FBH1: variants seen among roughly 807,000 people sequenced by gnomAD.
FBH1 encodes F-box DNA helicase 1.
In FBH1, 43 loss-of-function variants were observed where a neutral mutation model predicts 115.5. The ratio of observed to expected loss-of-function variants is 0.37; its 90% CI spans 0.29 to 0.48. The LOEUF is 0.48. Among genes scored for constraint, FBH1 ranks in the 20% least tolerant of loss-of-function variants. FBH1 has a pLI of 0.99. For synonymous variants in FBH1, 524 were observed against 507.8 expected (o/e 1.03, Z -0.43); for missense variants, 1,001 against 1,337.3 (o/e 0.75, Z 3.92).
At chr10:5,905,479 C>T (rs1843636184) in intron 2 of FBH1, among the ~76,000 whole-genome samples, 1 of 152,192 alleles carries the variant, frequency 6.6e-6, no homozygotes, top group Non-Finnish European at 1.5e-5. Context: ...GATCACACCA[C>T]TGCACTCCAG....
At position 5,897,945 on chromosome 10, in the gene FBH1, T is replaced by TG. The variant is rs1843109643; in HGVS notation, c.2-5072dup. ...TTACCTTTTCCAAAGCAGTTCCCTT[T>TG]GGGACTGAACATTTTTGATGTTCTG... On this transcript the variant is annotated intron_variant, in intron 1 of 20. Coordinates refer to ENST00000362091, the MANE Select transcript of FBH1 (RefSeq NM_178150.3). The surrounding 1 kb of genome is among the most constrained non-coding windows in gnomAD (Gnocchi z 4.7). 6.6e-6 allele frequency among the ~76,000 whole-genome samples: 1 copy of TG among 152,374 alleles called. No individual in the cohort carries two copies. Among genetic ancestry groups the TG allele is most frequent in the East Asian group, 1.9e-4 (1 of 5,194 alleles).
In FBH1 at chr10:5,891,056, G is replaced by T. The variant is rs917937863; in HGVS notation, c.1+710G>T. On this transcript the variant is annotated intron_variant, in intron 1 of 20. Transcript: ENST00000362091. The stretch of plus-strand genomic sequence containing the variant: ...AGACAACCCTATGAGGCATCAGTAG[G>T]GTTTTACAGGTGGGGAAGTGGAGGC... 3.0e-5 allele frequency: 19 copies of T among 630,124 alleles called. No individual in the cohort carries two copies. The African/African-American group carries it at 3.6e-4, about 12-fold the overall frequency. The allele number at this position is 630,124 out of a possible 1,614,324, so 39.0% of individuals were successfully genotyped here.
In FBH1 at chr10:5,931,995, A is replaced by T. The variant is rs376041096; in HGVS notation, c.2829+4454A>T. On this transcript the variant is annotated intron_variant, in intron 19 of 20. Coordinates refer to ENST00000362091, the MANE Select transcript of FBH1 (RefSeq NM_178150.3). The surrounding 1 kb of genome is among the most constrained non-coding windows in gnomAD (Gnocchi z 4.3). ...CCTGTCTCTACCAAAAAATACAGAAAAATTAGCTAGTCATGGTGGTGCATA... is the reference window on the plus strand; with the variant it reads ...CCTGTCTCTACCAAAAAATACAGAATAATTAGCTAGTCATGGTGGTGCATA... Among the ~76,000 whole-genome samples, 2 of 152,188 alleles carry T rather than the reference A, an allele frequency of 1.3e-5. No individual in the cohort carries two copies. The highest frequency in any genetic ancestry group is 2.4e-5 in the African/African-American group (1 of 41,442).
In FBH1 at chr10:5,936,676, AAG is replaced by A. The variant is rs1344741933; in HGVS notation, c.2961+96_2961+97del. ...TTATCTGGGTTGTAGGTGAGGAGAT[AAG>A]AGAGAGCTGTGTGATCCTTTATTAG... On this transcript the variant is annotated intron_variant, in intron 20 of 20. Coordinates refer to ENST00000362091, the MANE Select transcript of FBH1 (RefSeq NM_178150.3). The surrounding 1 kb of genome is among the most constrained non-coding windows in gnomAD (Gnocchi z 5.6). The A allele has an allele frequency of 6.6e-6, 10 of 1,517,918 alleles. No individual in the cohort carries two copies. The African/African-American group carries it at 6.8e-5, about 10-fold the overall frequency. The allele number at this position is 1,517,918 out of a possible 1,614,324, so 94.0% of individuals were successfully genotyped here.
chr10:5,893,923 G>A (rs1394250827), intron 1 of FBH1: 1 of 885,764 alleles, frequency 1.1e-6, no homozygotes, highest in African/African-American at 1.8e-5. Context: ...TTATATTCTA[G>A]ACCATAAGTA....
rs1843296792 is a variant in FBH1, at chr10:5,900,707, T to G, written c.2-2313T>G. On this transcript the variant is annotated intron_variant, in intron 1 of 20. Transcript: ENST00000362091. This position sits in a 1 kb window ranked among gnomAD's most constrained non-coding sequence, Gnocchi z 4.2. Reference sequence around the variant, plus strand: ...AAAAGTTAACTGAAATTTGGAAGGGTGATTTCTGAATTAGCTAGGGAGGAA... The same window carrying G: ...AAAAGTTAACTGAAATTTGGAAGGGGGATTTCTGAATTAGCTAGGGAGGAA... Among the ~76,000 whole-genome samples, 1 of 152,040 alleles carries G rather than the reference T, an allele frequency of 6.6e-6. No homozygotes were observed. Among genetic ancestry groups the G allele is most frequent in the Non-Finnish European group, 1.5e-5 (1 of 67,992 alleles).
chr10:5,908,232 T>G (rs1172251005), intron 3 of FBH1, among the ~76,000 whole-genome samples: 4 of 152,246 alleles, frequency 2.6e-5, no homozygotes, highest in Admixed American at 6.5e-5. Context: ...TATATCTTCT[T>G]GGTGAATTGA....
At chr10:5,908,265 G>A (rs1055053395) in intron 3 of FBH1, among the ~76,000 whole-genome samples, 5 of 152,072 alleles carry the variant, frequency 3.3e-5, no homozygotes, top group Middle Eastern at 3.4e-3. Flanking sequence ...TATGTCCTTC[G>A]TCTCTTATAA....
intron 19 of FBH1, among the ~76,000 whole-genome samples, chr10:5,934,097 G>T: frequency 6.6e-6 from 1 of 152,190 alleles, no homozygotes; most frequent in East Asian, 1.9e-4. Context: ...CTAGGAAAGC[G>T]TGTTAAAAAT....
At chr10:5,899,135 G>C (rs1843181643) in intron 1 of FBH1, among the ~76,000 whole-genome samples, 1 of 152,174 alleles carries the variant, frequency 6.6e-6, no homozygotes, top group Non-Finnish European at 1.5e-5. Flanking sequence ...GTGGGCATCA[G>C]ACCCTTCAAC....
chr10:5,910,648 C>G lies in FBH1; in HGVS notation c.1021-290C>G, dbSNP rs1249456708. Among the ~76,000 whole-genome samples, 1 of 152,060 alleles carries G rather than the reference C, an allele frequency of 6.6e-6. No homozygotes were observed. The highest frequency in any genetic ancestry group is 2.4e-5 in the African/African-American group (1 of 41,398). On this transcript the variant is annotated intron_variant, in intron 5 of 20. Transcript: ENST00000362091. This position sits in a 1 kb window ranked among gnomAD's most constrained non-coding sequence, Gnocchi z 4.8. ...TAGGGTGGGGAGATGACAGGGAGCT[C>G]ATATTTTTAGACTGTCTCTCTGTCC...
At position 5,921,702 on chromosome 10, in the gene FBH1, G is replaced by A; in HGVS notation, c.2322+133G>A. On this transcript the variant is annotated intron_variant, in intron 15 of 20. Coordinates refer to ENST00000362091, the MANE Select transcript of FBH1 (RefSeq NM_178150.3). This position sits in a 1 kb window ranked among gnomAD's most constrained non-coding sequence, Gnocchi z 6.4. ...GGTTTTTGACTCTTTCCACCAGGCT[G>A]CACCATGAGTGGTCTCTATCCCAGG... 3.3e-6 allele frequency: 4 copies of A among 1,204,200 alleles called. No homozygotes were observed. The highest frequency in any genetic ancestry group is 3.2e-5 in the South Asian group (2 of 63,060). The allele number at this position is 1,204,200 out of a possible 1,614,324, so 74.6% of individuals were successfully genotyped here.
In FBH1 at chr10:5,915,070, C is replaced by T. The variant is rs1217517998; in HGVS notation, c.1397-333C>T. Among the ~76,000 whole-genome samples the T allele has an allele frequency of 6.6e-6, 1 of 152,188 alleles. No individual in the cohort carries two copies. Among genetic ancestry groups the T allele is most frequent in the Non-Finnish European group, 1.5e-5 (1 of 68,036 alleles). On this transcript the variant is annotated intron_variant, in intron 8 of 20. Coordinates refer to ENST00000362091, the MANE Select transcript of FBH1 (RefSeq NM_178150.3). The surrounding 1 kb of genome is among the most constrained non-coding windows in gnomAD (Gnocchi z 5.2). ...CTTCCCCCTCCCTAACCCTACCCTC[C>T]TATCCTGAGGGGTCCTTTTTGCCCT...
At chr10:5,894,784 C>T (rs1842914267) in intron 1 of FBH1, among the ~76,000 whole-genome samples, 1 of 152,118 alleles carries the variant, frequency 6.6e-6, no homozygotes, top group South Asian at 2.1e-4. Context: ...GAGCAGAGAG[C>T]TTTTAGTCTG....
Position 5,917,896 on chromosome 10 carries a change from A to G in FBH1, c.1963+220A>G, listed in dbSNP as rs561514297. Among the ~76,000 whole-genome samples, 1 of 152,328 alleles carries G rather than the reference A, an allele frequency of 6.6e-6. No individual in the cohort carries two copies. The highest frequency in any genetic ancestry group is 1.5e-5 in the Non-Finnish European group (1 of 68,024). Reference sequence around the variant, plus strand: ...TTAGGTTGTTCTTAACATGTTGACCAAGTTGTAGACCAGCAGACGACAGGG... The same window carrying G: ...TTAGGTTGTTCTTAACATGTTGACCGAGTTGTAGACCAGCAGACGACAGGG... On this transcript the variant is annotated intron_variant, in intron 12 of 20. Transcript: ENST00000362091. The surrounding 1 kb of genome is among the most constrained non-coding windows in gnomAD (Gnocchi z 5.6).
rs551250067 is a variant in FBH1, at chr10:5,922,737, G to A, written c.2323-884G>A. On this transcript the variant is annotated intron_variant, in intron 15 of 20. Transcript: ENST00000362091. Reference sequence around the variant, plus strand: ...GGCCCTGGTTGTGTCTGTCTTCTATGTGGGGCCTGGTGCTGTGTGAGTGCC... The same window carrying A: ...GGCCCTGGTTGTGTCTGTCTTCTATATGGGGCCTGGTGCTGTGTGAGTGCC... Among the ~76,000 whole-genome samples the A allele has an allele frequency of 1.1e-4, 16 of 152,306 alleles. No homozygotes were observed. The East Asian group carries it at 3.1e-3, about 29-fold the overall frequency.
rs773221582 is a variant in FBH1, at chr10:5,936,824, G to A, written c.2961+237G>A. 1.6e-6 allele frequency: 1 copy of A among 616,024 alleles called. No homozygotes were observed. The highest frequency in any genetic ancestry group is 2.8e-6 in the Non-Finnish European group (1 of 359,616). 38.2% of individuals were successfully genotyped at this position (616,024 alleles called of 1,614,324 possible). ...TCTGGGAGGCTGGGTTGTGATACAC[G>A]CTTAGAGAGAGAGCTGTTCCCTGGG... is the stretch of plus-strand genomic sequence containing the variant. On this transcript the variant is annotated intron_variant, in intron 20 of 20. Transcript: ENST00000362091. The surrounding 1 kb of genome is among the most constrained non-coding windows in gnomAD (Gnocchi z 5.6).
At position 5,909,419 on chromosome 10, in the gene FBH1, C is replaced by A; in HGVS notation, c.1020+125C>A. On this transcript the variant is annotated intron_variant, in intron 5 of 20. Transcript: ENST00000362091. The surrounding 1 kb of genome is among the most constrained non-coding windows in gnomAD (Gnocchi z 4.4). Reference sequence around the variant, plus strand: ...AATGTCTGTATTTAATCTCTGAATGCTTTGAAGCATTCATGTTGTCATTGT... The same window carrying A: ...AATGTCTGTATTTAATCTCTGAATGATTTGAAGCATTCATGTTGTCATTGT... The A allele has an allele frequency of 8.8e-7, 1 of 1,141,364 alleles. No individual in the cohort carries two copies. The highest frequency in any genetic ancestry group is 1.2e-6 in the Non-Finnish European group (1 of 832,082). The allele number at this position is 1,141,364 out of a possible 1,614,324, so 70.7% of individuals were successfully genotyped here. A position where few individuals can be genotyped will look rare whatever the true frequency, so the allele number is the denominator to read the frequency against.
chr10:5,892,671 C>G (rs1312059528), intron 1 of FBH1, among the ~76,000 whole-genome samples: 1 of 152,218 alleles, frequency 6.6e-6, no homozygotes, highest in African/African-American at 2.4e-5. Flanking sequence ...CTTTCAGCCT[C>G]CCTCTCACTC....
Sources: gnomAD v4.1 joint callset for allele counts (sites outside exome capture counted in the v4.1 genomes callset) on GRCh38, gnomAD v4.1.1 for gene constraint, Gnocchi (gnomAD v3.1) non-coding constraint, MANE v1.5 for transcripts, NCBI Gene and HGNC (gene_info 2026-07-23, HGNC 2026-07-21) for gene names.